Variants in NOX4 observed in about 807,000 individuals in gnomAD.
NOX4 encodes kidney oxidase-1.
Under a neutral mutation model 87.6 loss-of-function variants are expected in NOX4, and 69 were observed. That is an observed-to-expected ratio of 0.79 (90% confidence interval 0.65 to 0.96). NOX4 has a LOEUF of 0.96. NOX4 is among the 40% of genes least tolerant of loss of function. NOX4 has a pLI of 0.00. For missense variants in NOX4, 680 were observed against 681.5 expected (o/e 1.00, Z 0.02); for synonymous variants, 275 against 238.2 (o/e 1.15, Z -1.42).
chr11:89,438,897 AT>A (rs546765029), intron 6 of NOX4, among the ~76,000 whole-genome samples: 4 of 16,510 alleles, frequency 2.4e-4, no homozygotes, highest in African/African-American at 1.4e-3. Context: ...ATTATATATT[AT>A]ATATATAATA....
At chr11:89,378,683 T>C (rs988474387) in intron 11 of NOX4, among the ~76,000 whole-genome samples, 7 of 152,028 alleles carry the variant, frequency 4.6e-5, no homozygotes, top group African/African-American at 1.7e-4. Context: ...ATGGGAGAAT[T>C]AACCTCCTAT....
chr11:89,418,422 G>GAAT (rs113480992), intron 8 of NOX4, among the ~76,000 whole-genome samples: 61,066 of 139,384 alleles, frequency 0.44, 14,081 homozygotes, highest in East Asian at 0.53. Flanking sequence ...TGAACATTGA[G>GAAT]AATAATAATA....
In NOX4 at chr11:89,477,395, G is replaced by A. The variant is rs529397904; in HGVS notation, c.153+13063C>T. On this transcript the variant is annotated intron_variant, in intron 2 of 17. Transcript: ENST00000263317. ...GCTCAGGTGGTAATACAAGCAATGG[G>A]GAGCCGCCGTAAATACAGATGAAGT... Among the ~76,000 whole-genome samples, 34 of 152,192 alleles carry A rather than the reference G, an allele frequency of 2.2e-4. No individual in the cohort carries two copies. The South Asian group carries it at 6.9e-3, about 31-fold the overall frequency.
intron 12 of NOX4, among the ~76,000 whole-genome samples, chr11:89,366,748 A>T (rs1939025262): frequency 6.6e-6 from 1 of 151,972 alleles, no homozygotes; most frequent in Non-Finnish European, 1.5e-5. Context: ...AGAAAACAAA[A>T]ATTTGGTATT....
chr11:89,396,136 G>A (rs1239203232), intron 11 of NOX4, among the ~76,000 whole-genome samples: 9 of 152,242 alleles, frequency 5.9e-5, no homozygotes, highest in African/African-American at 1.7e-4. Context: ...CTGTCCATGA[G>A]CATGAAATGT....
At chr11:89,523,196 G>A in the NOX4 span, among the ~76,000 whole-genome samples, 1 of 152,042 alleles carries the variant, frequency 6.6e-6, no homozygotes, top group East Asian at 1.9e-4. Context: ...GCTAATTTTT[G>A]TATTTTTAGT....
At chr11:89,361,555 A>G (rs1162737739) in intron 12 of NOX4, among the ~76,000 whole-genome samples, 2 of 152,084 alleles carry the variant, frequency 1.3e-5, no homozygotes, top group Non-Finnish European at 2.9e-5. Context: ...AATCACCACT[A>G]AAGAATTTAT....
intron 11 of NOX4, among the ~76,000 whole-genome samples, chr11:89,394,694 G>A (rs1400086725): frequency 1.1e-4 from 16 of 149,598 alleles, no homozygotes; most frequent in Non-Finnish European, 1.2e-4. Flanking sequence ...GATGTTCCCC[G>A]CCCTGTGTAC....
At chr11:89,389,931 G>T (rs1487772344) in intron 11 of NOX4, among the ~76,000 whole-genome samples, 2 of 152,018 alleles carry the variant, frequency 1.3e-5, no homozygotes, top group African/African-American at 2.4e-5. Context: ...AATATAATAA[G>T]AATTAAATAA....
chr11:89,559,786 G>A, the NOX4 span, among the ~76,000 whole-genome samples: 3,413 of 152,138 alleles, frequency 0.022, 116 homozygotes, highest in African/African-American at 0.073. Context: ...GTGTGAGATG[G>A]CTCCAGTACA....
the NOX4 span, among the ~76,000 whole-genome samples, chr11:89,571,349 T>A: frequency 1.3e-5 from 2 of 151,240 alleles, no homozygotes; most frequent in Non-Finnish European, 2.9e-5. Flanking sequence ...TTGGCTGGAG[T>A]GCAGTGGCAT....
chr11:89,451,843 CT>C lies in NOX4; in HGVS notation c.205del (p.Ser69AlafsTer57). On this transcript the variant is annotated frameshift_variant, in exon 3 of 18. Transcript: ENST00000263317. LOFTEE classifies it high-confidence loss of function. ...ASASVLNLNC[S>X]LILLPMCRTL... ...TCGGCACATGGGTAAAAGGATAAGG[CT>C]GCAGTTGAGGTTAAGAACAGATGCT... The C allele has an allele frequency of 1.9e-6, 3 of 1,613,500 alleles. No individual in the cohort carries two copies. Among genetic ancestry groups the C allele is most frequent in the Non-Finnish European group, 2.5e-6 (3 of 1,179,588 alleles).
chr11:89,477,510 G>A (rs969963238), intron 2 of NOX4, among the ~76,000 whole-genome samples: 24 of 152,158 alleles, frequency 1.6e-4, no homozygotes, highest in Non-Finnish European at 3.1e-4. Context: ...TTGGGGACTG[G>A]GGACCGCTGA....
upstream of NOX4, among the ~76,000 whole-genome samples, chr11:89,500,912 G>A (rs1947009440): frequency 1.3e-5 from 2 of 152,034 alleles, no homozygotes; most frequent in Middle Eastern, 3.4e-3. Context: ...CTGCAAGTGG[G>A]GCATTGTCAT....
chr11:89,463,037 A>T (rs1945541249), intron 2 of NOX4, among the ~76,000 whole-genome samples: 1 of 151,946 alleles, frequency 6.6e-6, no homozygotes, highest in African/African-American at 2.4e-5. Context: ...TATCATAAGT[A>T]ATTTGTATAA....
the NOX4 span, among the ~76,000 whole-genome samples, chr11:89,528,021 A>T: frequency 6.6e-6 from 1 of 152,224 alleles, no homozygotes; most frequent in African/African-American, 2.4e-5. Context: ...AGCCACAGGG[A>T]TGAAGCTGCC....
the NOX4 span, among the ~76,000 whole-genome samples, chr11:89,521,020 A>G: frequency 1.3e-5 from 2 of 152,204 alleles, no homozygotes; most frequent in East Asian, 1.9e-4. Context: ...ACTATGAAAC[A>G]TTACTAAAAG....
chr11:89,571,847 TTGTGGACAAAGGA>T, the NOX4 span, among the ~76,000 whole-genome samples: 1 of 152,178 alleles, frequency 6.6e-6, no homozygotes. Context: ...GGGAATTTCC[TTGTGGACAAAGGA>T]CAGACGGAAC....
At chr11:89,493,069 G>T (rs180700475), upstream of NOX4, among the ~76,000 whole-genome samples, 1 of 152,154 alleles carries the variant, frequency 6.6e-6, no homozygotes, top group Non-Finnish European at 1.5e-5. Context: ...CTCCATGTGC[G>T]TGTTAGCACT....
Sources: allele counts gnomAD v4.1 joint callset (sites outside exome capture counted in the v4.1 genomes callset), GRCh38; gene constraint gnomAD v4.1.1; transcripts MANE v1.5; gene names NCBI Gene and HGNC (gene_info 2026-07-23, HGNC 2026-07-21).